Variants in ALK observed in about 807,000 individuals in gnomAD.
The protein encoded by ALK is ALK tyrosine kinase receptor.
A neutral mutation model predicts 163.1 loss-of-function variants in ALK; 74 were observed. The observed-to-expected ratio is 0.45, with a 90% CI of 0.38 to 0.55. ALK has a LOEUF of 0.55. Ranked by LOEUF, ALK falls within the 20% of genes least tolerant of loss-of-function variation. The probability of loss-of-function intolerance (pLI) is 0.00; values close to 1 mark genes in which losing one functional copy is unlikely to be tolerated. For missense variants in ALK, 2,063 were observed against 2,105.3 expected, an observed-to-expected ratio of 0.98 and a Z score of 0.39; for synonymous variants, 960 against 843.2, an observed-to-expected ratio of 1.14 and a Z score of -2.40.
intron 4 of ALK, among the ~76,000 whole-genome samples, chr2:29,525,747 C>T (rs575863220): frequency 1.5e-4 from 22 of 142,412 alleles, no homozygotes; most frequent in South Asian, 4.5e-4. Flanking sequence ...GCTGAGATCA[C>T]GCCACTACAC....
chr2:29,567,184 G>A (rs1016606263), intron 3 of ALK, among the ~76,000 whole-genome samples: 1 of 152,186 alleles, frequency 6.6e-6, no homozygotes, highest in Admixed American at 6.5e-5. Flanking sequence ...ACAACCAAAG[G>A]CAACACAGAC....
In ALK at chr2:29,358,598, T is replaced by C. The variant is rs17007938; in HGVS notation, c.1282+25134A>G. On this transcript the variant is annotated intron_variant, in intron 5 of 28. Coordinates refer to ENST00000389048, the MANE Select transcript of ALK (RefSeq NM_004304.5). ...TAGAGGAGGCTTGTCAATCTTAAGT[T>C]TGCTCCAGTGTCAGGGAATTTGATT... Among the ~76,000 whole-genome samples the C allele has an allele frequency of 4.7e-3, 716 of 152,306 alleles. 8 individuals carry two copies. Among genetic ancestry groups the C allele is most frequent in the African/African-American group, 0.017 (690 of 41,560 alleles).
intron 4 of ALK, among the ~76,000 whole-genome samples, chr2:29,500,276 G>A (rs1280579688): frequency 6.6e-6 from 1 of 152,206 alleles, no homozygotes; most frequent in African/African-American, 2.4e-5. Context: ...TCTTGTGATA[G>A]TGAGTGAGTG....
chr2:29,200,738 TAC>T (rs1237584428), intron 26 of ALK, among the ~76,000 whole-genome samples: 8 of 142,454 alleles, frequency 5.6e-5, no homozygotes, highest in Non-Finnish European at 1.5e-5. Context: ...TGTATATATA[TAC>T]GTATATATAT....
At chr2:29,707,538 A>G (rs1314874229) in intron 2 of ALK, among the ~76,000 whole-genome samples, 1 of 152,190 alleles carries the variant, frequency 6.6e-6, no homozygotes, top group Non-Finnish European at 1.5e-5. Flanking sequence ...AACAGATAGT[A>G]AGGGTTTGGC....
Position 29,193,106 on chromosome 2 carries a change from A to G in ALK, c.*118T>C. 2 of 1,171,042 alleles carry G rather than the reference A, an allele frequency of 1.7e-6. No individual in the cohort carries two copies. Among genetic ancestry groups the G allele is most frequent in the Non-Finnish European group, 2.5e-6 (2 of 803,096 alleles). 72.5% of individuals were successfully genotyped at this position (1,171,042 alleles called of 1,614,324 possible). ...ACAGCTTTTTTGGTGGTACTTCAAA[A>G]TAGGTTGGCACAAAACAAAACGTGA... On this transcript the variant is annotated 3_prime_UTR_variant, in exon 29 of 29. Coordinates refer to ENST00000389048, the MANE Select transcript of ALK (RefSeq NM_004304.5).
intron 1 of ALK, among the ~76,000 whole-genome samples, chr2:29,807,340 G>C (rs1664646480): frequency 6.6e-6 from 1 of 152,354 alleles, no homozygotes; most frequent in Non-Finnish European, 1.5e-5. Flanking sequence ...ATAGCGGTGT[G>C]AGTCTTGTGC....
At chr2:29,844,034 A>T (rs560637177) in intron 1 of ALK, among the ~76,000 whole-genome samples, 4 of 152,348 alleles carry the variant, frequency 2.6e-5, no homozygotes, top group Admixed American at 2.6e-4. Flanking sequence ...TACAGGATGG[A>T]TAATCTGACA....
intron 1 of ALK, among the ~76,000 whole-genome samples, chr2:29,812,141 A>C (rs1247838607): frequency 6.6e-6 from 1 of 152,186 alleles, no homozygotes; most frequent in Non-Finnish European, 1.5e-5. Flanking sequence ...ATCCTGGTCC[A>C]TACTCACCCA....
intron 4 of ALK, among the ~76,000 whole-genome samples, chr2:29,402,585 T>G (rs1285010628): frequency 1.3e-5 from 2 of 152,238 alleles, no homozygotes; most frequent in Non-Finnish European, 2.9e-5. Flanking sequence ...GGTTTCTATT[T>G]TTTGGTTTCT....
chr2:29,829,165 A>G (rs1234433469), intron 1 of ALK, among the ~76,000 whole-genome samples: 1 of 90,100 alleles, frequency 1.1e-5, no homozygotes, highest in African/African-American at 4.5e-5. Context: ...GGGCCTGTTG[A>G]GGGGTGGGGG....
chr2:29,400,008 G>T (rs527725962), intron 4 of ALK, among the ~76,000 whole-genome samples: 3 of 152,282 alleles, frequency 2.0e-5, no homozygotes, highest in East Asian at 3.9e-4. Context: ...ACTGAGTTAG[G>T]ATAACTGGGA....
At chr2:29,309,666 C>T (rs995949661) in intron 8 of ALK, among the ~76,000 whole-genome samples, 1 of 149,800 alleles carries the variant, frequency 6.7e-6, no homozygotes, top group African/African-American at 2.5e-5. Context: ...TTTGTTGGGT[C>T]CTCGAGACTC....
chr2:29,562,347 A>G (rs1674047925), intron 3 of ALK, among the ~76,000 whole-genome samples: 1 of 152,078 alleles, frequency 6.6e-6, no homozygotes, highest in South Asian at 2.1e-4. Flanking sequence ...TTTGAACACA[A>G]TTACCAGGAC....
intron 3 of ALK, among the ~76,000 whole-genome samples, chr2:29,546,205 G>A (rs1186621074): frequency 3.3e-5 from 5 of 152,110 alleles, no homozygotes; most frequent in African/African-American, 1.2e-4. Context: ...TTTTAGGTGA[G>A]ACACAAAGGT....
chr2:29,882,328 A>G (rs928277135), intron 1 of ALK, among the ~76,000 whole-genome samples: 2 of 152,258 alleles, frequency 1.3e-5, no homozygotes, highest in Admixed American at 1.3e-4. Flanking sequence ...AATAAAAACT[A>G]TGAAGCAAAA....
At chr2:29,241,898 C>G (rs1240231630) in intron 12 of ALK, among the ~76,000 whole-genome samples, 1 of 152,120 alleles carries the variant, frequency 6.6e-6, no homozygotes, top group Admixed American at 6.5e-5. Context: ...TGGCTATGGT[C>G]CAAACCCTTG....
intron 13 of ALK, 124 bp downstream of exon 13, chr2:29,239,556 T>C (rs1292240822): frequency 9.8e-6 from 12 of 1,228,316 alleles, no homozygotes; most frequent in Non-Finnish European, 1.3e-5. Flanking sequence ...GTTTAATTAC[T>C]CTTTGCTGTC....
chr2:29,196,290 A>G (rs1464119215), intron 28 of ALK, among the ~76,000 whole-genome samples: 1 of 152,270 alleles, frequency 6.6e-6, no homozygotes, highest in East Asian at 1.9e-4. Flanking sequence ...TGATGATGTT[A>G]AAATTTCTCC....
Sources: allele counts gnomAD v4.1 joint callset (sites outside exome capture counted in the v4.1 genomes callset), GRCh38; gene constraint gnomAD v4.1.1; transcripts MANE v1.5; gene names NCBI Gene and HGNC (gene_info 2026-07-23, HGNC 2026-07-21).